Variants in FAM193B observed in about 807,000 individuals in gnomAD.
FAM193B encodes the protein protein FAM193B.
Under a neutral mutation model 70.7 loss-of-function variants are expected in FAM193B, and 27 were observed. The ratio of observed to expected loss-of-function variants is 0.38; its 90% confidence interval spans 0.28 to 0.53. The LOEUF is 0.53. Ranked by LOEUF, FAM193B falls within the 20% of genes least tolerant of loss-of-function variation. The probability of loss-of-function intolerance (pLI) is 0.81; values close to 1 mark genes in which losing one functional copy is unlikely to be tolerated. For synonymous variants in FAM193B, 448 were observed against 436.0 expected, an observed-to-expected ratio of 1.03 and a Z score of -0.34; for missense variants, 1,022 against 1,072.5, an observed-to-expected ratio of 0.95 and a Z score of 0.66.
intron 1 of FAM193B, chr5:177,547,308 G>A (rs1439579193): frequency 8.3e-4 from 1 of 1,202 alleles, no homozygotes; most frequent in Non-Finnish European, 5.1e-3. Flanking sequence ...TTTTTGAGAC[G>A]GAGTTTCGCT....
intron 5 of FAM193B, chr5:177,531,173 A>G (rs1013416410): frequency 1.7e-6 from 2 of 1,144,430 alleles, no homozygotes; most frequent in Admixed American, 3.6e-5. Flanking sequence ...CAGTGAGCCA[A>G]GCTGAGGCCT....
At chr5:177,522,485 T>C (rs1197084830) in intron 7 of FAM193B, among the ~76,000 whole-genome samples, 1 of 152,164 alleles carries the variant, frequency 6.6e-6, no homozygotes, top group Admixed American at 6.5e-5. Flanking sequence ...GCTCTTCCCA[T>C]ATACTTTTTT....
chr5:177,531,898 T>G, intron 5 of FAM193B: 1 of 1,191,558 alleles, frequency 8.4e-7, no homozygotes, highest in Non-Finnish European at 1.1e-6. Context: ...TTAATTACTT[T>G]CATTTCTTCT....
chr5:177,551,739 C>A (rs1766274393), intron 1 of FAM193B, among the ~76,000 whole-genome samples: 1 of 152,214 alleles, frequency 6.6e-6, no homozygotes, highest in African/African-American at 2.4e-5. Context: ...TTATTTGCCA[C>A]CTTTGGATTC....
At chr5:177,541,509 C>T (rs1489037198) in intron 1 of FAM193B, among the ~76,000 whole-genome samples, 1 of 152,132 alleles carries the variant, frequency 6.6e-6, no homozygotes, top group Non-Finnish European at 1.5e-5. Flanking sequence ...AGCTCCGCCT[C>T]CCAGGTTCAC....
At chr5:177,528,823 C>A (rs956845433) in intron 5 of FAM193B, among the ~76,000 whole-genome samples, 1 of 152,174 alleles carries the variant, frequency 6.6e-6, no homozygotes, top group Non-Finnish European at 1.5e-5. Flanking sequence ...CACGGGAACT[C>A]GGCAATCGGG....
At chr5:177,537,128 G>A (rs1764270759) in intron 3 of FAM193B, among the ~76,000 whole-genome samples, 1 of 152,176 alleles carries the variant, frequency 6.6e-6, no homozygotes, top group African/African-American at 2.4e-5. Context: ...TCTGTGCCAC[G>A]TGTACCACAG....
intron 3 of FAM193B, 69 bp from the exon 4 acceptor site, chr5:177,536,814 C>G (rs1157274324): frequency 6.6e-7 from 1 of 1,515,940 alleles, no homozygotes; most frequent in Non-Finnish European, 8.8e-7. Flanking sequence ...CCCACAGGCT[C>G]ACTGCCACAG....
intron 6 of FAM193B, 37 bp from the exon 7 acceptor site, chr5:177,524,069 G>A (rs1334244552): frequency 2.1e-5 from 34 of 1,613,600 alleles, no homozygotes; most frequent in Non-Finnish European, 2.8e-5. Context: ...AGTGCCCATG[G>A]CCAGGCCTTT....
chr5:177,526,508 G>T (rs1762622033), intron 5 of FAM193B, among the ~76,000 whole-genome samples: 1 of 151,940 alleles, frequency 6.6e-6, no homozygotes, highest in African/African-American at 2.4e-5. Context: ...GCACCACACA[G>T]ATTTCACAGA....
At chr5:177,537,767 A>C in intron 3 of FAM193B, 106 bp downstream of exon 3, 2 of 1,422,074 alleles carry the variant, frequency 1.4e-6, no homozygotes, top group Non-Finnish European at 1.9e-6. Flanking sequence ...TTCCACTTTT[A>C]CTTATTTTAG....
chr5:177,533,901 C>T (rs1437849465), intron 4 of FAM193B, among the ~76,000 whole-genome samples: 4 of 152,212 alleles, frequency 2.6e-5, no homozygotes, highest in Non-Finnish European at 5.9e-5. Flanking sequence ...ATTGTTCTGC[C>T]TCTGGATTTC....
chr5:177,549,353 C>T (rs896366890), intron 1 of FAM193B, among the ~76,000 whole-genome samples: 15 of 151,948 alleles, frequency 9.9e-5, no homozygotes, highest in African/African-American at 2.9e-4. Context: ...CCACCATGCC[C>T]GGCTAATTTT....
intron 1 of FAM193B, chr5:177,553,464 AC>A: frequency 1.8e-6 from 2 of 1,102,914 alleles, no homozygotes; most frequent in African/African-American, 3.4e-5. Flanking sequence ...GGCCCATGTC[AC>A]CCCCGCCTCT....
chr5:177,531,131 T>C, intron 5 of FAM193B: 1 of 768,760 alleles, frequency 1.3e-6, no homozygotes, highest in Non-Finnish European at 1.7e-6. Context: ...CTGACCCTGA[T>C]GCCTCCCAAA....
At chr5:177,530,697 C>G (rs1351360626) in intron 5 of FAM193B, among the ~76,000 whole-genome samples, 2 of 152,198 alleles carry the variant, frequency 1.3e-5, no homozygotes, top group Non-Finnish European at 2.9e-5. Context: ...AGCCACAGCT[C>G]TTCCGCAGGG....
At chr5:177,528,906 G>T (rs1304804297) in intron 5 of FAM193B, among the ~76,000 whole-genome samples, 1 of 152,166 alleles carries the variant, frequency 6.6e-6, no homozygotes, top group Non-Finnish European at 1.5e-5. Context: ...AGCCAGGCTG[G>T]GGTGGAACCC....
chr5:177,552,166 G>C (rs1331092971), intron 1 of FAM193B: 1 of 717,702 alleles, frequency 1.4e-6, no homozygotes, highest in Admixed American at 6.3e-5. Flanking sequence ...ATATCCTCCA[G>C]TTTGTTGATC....
chr5:177,542,852 C>G (rs1765013402), intron 1 of FAM193B, among the ~76,000 whole-genome samples: 1 of 152,168 alleles, frequency 6.6e-6, no homozygotes, highest in African/African-American at 2.4e-5. Flanking sequence ...AGGCAGGTGC[C>G]AGGTCTGATT....
Sources: allele counts gnomAD v4.1 joint callset (sites outside exome capture counted in the v4.1 genomes callset), GRCh38; gene constraint gnomAD v4.1.1; transcripts MANE v1.5; gene names NCBI Gene and HGNC (gene_info 2026-07-23, HGNC 2026-07-21).